The following PAK1 variants were observed in gnomAD, a reference collection of about 807,000 sequenced individuals.
PAK1 encodes the protein p21 (RAC1) activated kinase 1.
PAK1 carries 29 observed loss-of-function variants against 67.4 expected under a neutral mutation model. The observed-to-expected ratio is 0.43, with a 90% CI of 0.32 to 0.59. The LOEUF (loss-of-function observed/expected upper bound fraction) is 0.59. PAK1 is among the 20% of genes least tolerant of loss of function. The pLI, the probability that PAK1 is intolerant of heterozygous loss-of-function variation, is 0.07. For synonymous variants in PAK1, 223 were observed against 237.4 expected, an observed-to-expected ratio of 0.94 and a Z score of 0.56; for missense variants, 337 against 670.7, an observed-to-expected ratio of 0.50 and a Z score of 5.50.
At chr11:77,479,601 A>G (rs370650303), upstream of PAK1, among the ~76,000 whole-genome samples, 479 of 136,060 alleles carry the variant, frequency 3.5e-3, 4 homozygotes, top group African/African-American at 0.013. Flanking sequence ...AGAAAAATAA[A>G]CTTTTTTTTT....
At chr11:77,487,679 G>C in the PAK1 span, among the ~76,000 whole-genome samples, 1 of 152,050 alleles carries the variant, frequency 6.6e-6, no homozygotes, top group Middle Eastern at 3.2e-3. Flanking sequence ...CCTGGGGCAT[G>C]GTGGCCACAG....
intron 3 of PAK1, 117 bp downstream of exon 3, chr11:77,379,777 T>C: frequency 2.7e-6 from 2 of 734,584 alleles, no homozygotes; most frequent in Admixed American, 5.6e-5. Context: ...GTGAGAAAAT[T>C]GTAATCAGGG....
At chr11:77,403,211 T>C (rs754600150) in intron 1 of PAK1, among the ~76,000 whole-genome samples, 3 of 152,238 alleles carry the variant, frequency 2.0e-5, no homozygotes, top group Admixed American at 6.5e-5. Context: ...TAGCTTCCAC[T>C]GGCTGCTATC....
At chr11:77,449,524 A>G (rs984830822) in intron 1 of PAK1, among the ~76,000 whole-genome samples, 1 of 152,154 alleles carries the variant, frequency 6.6e-6, no homozygotes, top group African/African-American at 2.4e-5. Context: ...AAAACGTTAG[A>G]GTTCAGGCAG....
At chr11:77,352,789 T>G (rs1945448302) in intron 8 of PAK1, among the ~76,000 whole-genome samples, 1 of 152,196 alleles carries the variant, frequency 6.6e-6, no homozygotes, top group Non-Finnish European at 1.5e-5. Context: ...TAACATGCTG[T>G]ACAGGCTTGT....
chr11:77,484,152 C>G, the PAK1 span, among the ~76,000 whole-genome samples: 2 of 149,632 alleles, frequency 1.3e-5, no homozygotes, highest in South Asian at 4.2e-4. Context: ...ATAGAGAAAA[C>G]CATAAGTCCT....
At chr11:77,458,242 C>T (rs1324066161) in intron 1 of PAK1, among the ~76,000 whole-genome samples, 1 of 152,128 alleles carries the variant, frequency 6.6e-6, no homozygotes, top group Non-Finnish European at 1.5e-5. Context: ...TTTAATAAAA[C>T]TTGTTATATT....
At chr11:77,403,547 T>G (rs376478012) in intron 1 of PAK1, among the ~76,000 whole-genome samples, 12 of 152,322 alleles carry the variant, frequency 7.9e-5, no homozygotes, top group Middle Eastern at 3.4e-3. Context: ...CAATAAACTA[T>G]CCAGCAGTCC....
the PAK1 span, among the ~76,000 whole-genome samples, chr11:77,491,316 C>T: frequency 7.3e-5 from 11 of 151,504 alleles, no homozygotes; most frequent in South Asian, 2.1e-4. Flanking sequence ...CAACATAGTA[C>T]GATAAGATAT....
intron 14 of PAK1, among the ~76,000 whole-genome samples, chr11:77,326,274 CG>C (rs1390582889): frequency 1.4e-4 from 21 of 152,272 alleles, no homozygotes; most frequent in Middle Eastern, 6.8e-3. Flanking sequence ...CCCCTGACTC[CG>C]GGTTTCCCCA....
chr11:77,324,886 T>C lies in PAK1; in HGVS notation c.1552-1526A>G, dbSNP rs541850670. 3.9e-5 allele frequency among the ~76,000 whole-genome samples: 6 copies of C among 152,216 alleles called. No homozygotes were observed. The East Asian group carries it at 1.2e-3, about 29-fold the overall frequency. On this transcript the variant is annotated intron_variant, in intron 14 of 14. Coordinates refer to ENST00000356341, the MANE Select transcript of PAK1 (RefSeq NM_002576.5). Reference sequence around the variant, plus strand: ...AACTTCTGTTGGGACAGAGATAGTATAAAGAGCTACTGAGAACAAGAACGT... The same window carrying C: ...AACTTCTGTTGGGACAGAGATAGTACAAAGAGCTACTGAGAACAAGAACGT...
chr11:77,449,341 A>G (rs1278829696), intron 1 of PAK1, among the ~76,000 whole-genome samples: 1 of 152,244 alleles, frequency 6.6e-6, no homozygotes, highest in East Asian at 1.9e-4. Flanking sequence ...TAAAGAGAAA[A>G]GGGCAATGGG....
intron 1 of PAK1, among the ~76,000 whole-genome samples, chr11:77,454,340 T>C (rs894930426): frequency 7.9e-5 from 12 of 152,144 alleles, no homozygotes; most frequent in Admixed American, 6.5e-4. Context: ...TCTCCTTCAT[T>C]GTACAAGTCC....
intron 1 of PAK1, among the ~76,000 whole-genome samples, chr11:77,452,635 T>G (rs551229603): frequency 6.6e-6 from 1 of 152,074 alleles, no homozygotes; most frequent in Non-Finnish European, 1.5e-5. Context: ...AAAAAAAGAC[T>G]GGTTATTTAC....
At chr11:77,355,896 A>C in intron 6 of PAK1, 54 bp from the exon 7 acceptor site, 3 of 1,145,554 alleles carry the variant, frequency 2.6e-6, no homozygotes, top group Non-Finnish European at 3.9e-6. Context: ...GCATAGGGGA[A>C]CCTCTCCTAG....
At chr11:77,449,692 A>T (rs867315706) in intron 1 of PAK1, among the ~76,000 whole-genome samples, 12 of 31,570 alleles carry the variant, frequency 3.8e-4, no homozygotes, top group African/African-American at 7.1e-4. Flanking sequence ...TCCTATAGGT[A>T]AAAAAAAAAA....
chr11:77,480,368 C>T, the PAK1 span, among the ~76,000 whole-genome samples: 1 of 151,906 alleles, frequency 6.6e-6, no homozygotes, highest in Non-Finnish European at 1.5e-5. Context: ...GACCAAGATA[C>T]ATAAATTAGG....
the PAK1 span, among the ~76,000 whole-genome samples, chr11:77,527,396 C>T: frequency 6.6e-6 from 1 of 152,224 alleles, no homozygotes; most frequent in Non-Finnish European, 1.5e-5. Flanking sequence ...TGCCACCGTA[C>T]TGGGCCTGGG....
At chr11:77,347,548 T>C (rs921152678) in intron 9 of PAK1, among the ~76,000 whole-genome samples, 6 of 152,198 alleles carry the variant, frequency 3.9e-5, no homozygotes, top group African/African-American at 1.4e-4. Flanking sequence ...ATATTCACCA[T>C]CATTAAAATG....
Sources: allele counts gnomAD v4.1 joint callset (sites outside exome capture counted in the v4.1 genomes callset), GRCh38; gene constraint gnomAD v4.1.1; transcripts MANE v1.5; gene names NCBI Gene and HGNC (gene_info 2026-07-23, HGNC 2026-07-21).